The following MMP26 variants were observed in gnomAD, a reference collection of about 807,000 sequenced individuals.
The protein encoded by MMP26 is matrix metallopeptidase 26.
A neutral mutation model predicts 31.0 loss-of-function variants in MMP26; 33 were observed. The ratio of observed to expected loss-of-function variants is 1.06; its 90% CI spans 0.81 to 1.42. The LOEUF is 1.42. Ranked by LOEUF, MMP26 falls within the 40% of genes most tolerant of loss-of-function variation. The pLI is 0.00. For synonymous variants in MMP26, 122 were observed against 114.9 expected (o/e 1.06, Z -0.40); for missense variants, 347 against 316.1 (o/e 1.10, Z -0.74).
At chr11:4,893,375 C>A (rs920996517) in intron 2 of MMP26, among the ~76,000 whole-genome samples, 1 of 152,088 alleles carries the variant, frequency 6.6e-6, no homozygotes, top group Non-Finnish European at 1.5e-5. Context: ...CCACTAGAAA[C>A]CTCTTTAGTA....
intron 2 of MMP26, among the ~76,000 whole-genome samples, chr11:4,807,924 C>T (rs1849299985): frequency 6.6e-6 from 1 of 152,062 alleles, no homozygotes; most frequent in African/African-American, 2.4e-5. Context: ...CCCACCTCAG[C>T]CTTCTGGGTA....
chr11:4,739,999 T>C (rs889513545), intron 1 of MMP26, among the ~76,000 whole-genome samples: 20 of 152,182 alleles, frequency 1.3e-4, no homozygotes, highest in African/African-American at 4.6e-4. Context: ...AAAGGTCTCA[T>C]ATAGAAAATT....
rs1252090769 is a variant in MMP26 at position 4,946,354 on chromosome 11, C to T, written c.-144-41714C>T. 6 of 1,613,728 alleles carry T rather than the reference C, an allele frequency of 3.7e-6. No homozygotes were observed. The Admixed American group carries it at 6.7e-5, about 18-fold the overall frequency. ...TGATGATGGGCAGGTAGAAGATGAT[C>T]ACTGCACAGATGTGTGAAACACAAG... On this transcript the variant is annotated intron_variant, in intron 2 of 7. Transcript: ENST00000380390.
intron 2 of MMP26, among the ~76,000 whole-genome samples, chr11:4,962,882 G>T (rs1341514689): frequency 6.6e-6 from 1 of 152,166 alleles, no homozygotes; most frequent in Non-Finnish European, 1.5e-5. Context: ...AAGCTAAACA[G>T]AAAGTTGATA....
At chr11:4,789,134 T>C (rs17228092) in intron 2 of MMP26, among the ~76,000 whole-genome samples, 14,388 of 152,234 alleles carry the variant, frequency 0.095, 853 homozygotes, top group Middle Eastern at 0.15. Context: ...AAAATAGTAG[T>C]TTCTAATTTG....
chr11:4,812,473 G>A (rs1264511045), intron 2 of MMP26, among the ~76,000 whole-genome samples: 3 of 152,068 alleles, frequency 2.0e-5, no homozygotes, highest in Admixed American at 6.6e-5. Context: ...TTTCTGAAGA[G>A]GATTTTGAGG....
chr11:4,853,581 A>G (rs1181527718), intron 2 of MMP26, among the ~76,000 whole-genome samples: 4 of 152,190 alleles, frequency 2.6e-5, no homozygotes, highest in Non-Finnish European at 4.4e-5. Flanking sequence ...AATAAAAATT[A>G]TAAAACTGAC....
At chr11:4,740,357 C>A (rs1398398268) in intron 1 of MMP26, among the ~76,000 whole-genome samples, 1 of 151,836 alleles carries the variant, frequency 6.6e-6, no homozygotes, top group Non-Finnish European at 1.5e-5. Flanking sequence ...TGGTCATAGG[C>A]AGAAAAGTCA....
chr11:4,761,197 C>G (rs1848565558), intron 1 of MMP26, among the ~76,000 whole-genome samples: 1 of 152,130 alleles, frequency 6.6e-6, no homozygotes, highest in Admixed American at 6.5e-5. Flanking sequence ...GAATTTTTGT[C>G]TTTAATTTCA....
At chr11:4,914,829 C>G in intron 2 of MMP26, 1 of 1,614,010 alleles carries the variant, frequency 6.2e-7, no homozygotes, top group South Asian at 1.1e-5. Context: ...CCCATGACCA[C>G]CTGGACCAGG....
rs1373759238 is a variant in MMP26, at chr11:4,802,904, T to C, written c.-145+35563T>C. Reference sequence around the variant, plus strand: ...CACCTGATATTCAACAGAGTATTGCTTCATCTGTAATCTTATAGGACAATA... The same window carrying C: ...CACCTGATATTCAACAGAGTATTGCCTCATCTGTAATCTTATAGGACAATA... On this transcript the variant is annotated intron_variant, in intron 2 of 7. Coordinates refer to ENST00000380390, the MANE Select transcript of MMP26 (RefSeq NM_021801.5). Among the ~76,000 whole-genome samples the C allele has an allele frequency of 2.0e-5, 3 of 152,322 alleles. No homozygotes were observed. The East Asian group carries it at 5.8e-4, about 29-fold the overall frequency.
intron 1 of MMP26, among the ~76,000 whole-genome samples, chr11:4,728,453 C>T (rs1281396063): frequency 6.6e-6 from 1 of 152,128 alleles, no homozygotes; most frequent in Non-Finnish European, 1.5e-5. Flanking sequence ...GGCCTTGTCC[C>T]CCTTGCCTAG....
intron 2 of MMP26, among the ~76,000 whole-genome samples, chr11:4,891,022 AAT>A (rs1850613307): frequency 1.3e-5 from 2 of 148,628 alleles, no homozygotes; most frequent in South Asian, 2.1e-4. Flanking sequence ...TAATAATAAT[AAT>A]AAAAGTAAAA....
At chr11:4,759,089 C>T (rs533337487) in intron 1 of MMP26, among the ~76,000 whole-genome samples, 1 of 100,668 alleles carries the variant, frequency 9.9e-6, no homozygotes, top group East Asian at 3.1e-4. Flanking sequence ...CCAGCCTGGG[C>T]AACAAGAGTG....
At chr11:4,751,887 G>C (rs898191046) in intron 1 of MMP26, among the ~76,000 whole-genome samples, 1 of 152,118 alleles carries the variant, frequency 6.6e-6, no homozygotes, top group African/African-American at 2.4e-5. Context: ...AGATTGCTTA[G>C]CAATGATAAT....
intron 2 of MMP26, among the ~76,000 whole-genome samples, chr11:4,965,046 T>G (rs1846573369): frequency 6.6e-6 from 1 of 152,202 alleles, no homozygotes; most frequent in Non-Finnish European, 1.5e-5. Context: ...GTAACAAACC[T>G]GTCCACATGC....
chr11:4,951,155 T>C (rs72860806), intron 2 of MMP26, among the ~76,000 whole-genome samples: 1,317 of 124,832 alleles, frequency 0.011, 352 homozygotes, highest in South Asian at 0.018. Flanking sequence ...AATTAGGTAT[T>C]CTGATTTAAT....
intron 1 of MMP26, among the ~76,000 whole-genome samples, chr11:4,746,831 T>TCTCACACA (rs1001819512): frequency 2.9e-5 from 4 of 137,218 alleles, no homozygotes; most frequent in African/African-American, 1.1e-4. Context: ...TAAGTCTCTG[T>TCTCACACA]CACACACACA....
At chr11:4,914,162 C>T (rs1173696305) in intron 2 of MMP26, 2 of 152,424 alleles carry the variant, frequency 1.3e-5, no homozygotes, top group Admixed American at 6.5e-5. Context: ...TGGTGGTTAA[C>T]ACTGACTCAG....
Sources: gnomAD v4.1 joint callset for allele counts (sites outside exome capture counted in the v4.1 genomes callset) on GRCh38, gnomAD v4.1.1 for gene constraint, MANE v1.5 for transcripts, NCBI Gene and HGNC (gene_info 2026-07-23, HGNC 2026-07-21) for gene names.